The following SCOC variants were observed in gnomAD, a reference collection of about 807,000 sequenced individuals.
The protein encoded by SCOC is short coiled coil protein.
SCOC carries 7 observed loss-of-function variants against 9.9 expected under a neutral mutation model. The ratio of observed to expected loss-of-function variants is 0.71; its 90% CI spans 0.40 to 1.33. SCOC has a LOEUF of 1.33. Among genes scored for constraint, SCOC ranks in the 40% most tolerant of loss-of-function variants. SCOC has a pLI of 0.01. For missense variants in SCOC, 66 were observed against 89.7 expected, an observed-to-expected ratio of 0.74 and a Z score of 1.07; for synonymous variants, 19 against 28.2, an observed-to-expected ratio of 0.67 and a Z score of 1.03.
Position 140,362,301 on chromosome 4 carries a change from T to TCTTCTTCTTCTTCTTCCTTCTTC in SCOC, c.71-16820_71-16819insCTTCTTCTTCTTCTTCCTTCTTC. ...TACTTCTTCTTCTTCTTCTTCTTCT[T>TCTTCTTCTTCTTCTTCCTTCTTC]TTTTTTTTTTTTTTGTGAGAGTCTC... On this transcript the variant is annotated intron_variant, in intron 2 of 4. Transcript: ENST00000338517. Among the ~76,000 whole-genome samples the TCTTCTTCTTCTTCTTCCTTCTTC allele has an allele frequency of 1.7e-4, 5 of 29,408 alleles. No homozygotes were observed. In the East Asian group the frequency reaches 3.7e-3, roughly 22 times the overall value. 19.3% of individuals were successfully genotyped at this position (29,408 alleles called of 152,430 possible). A position where few individuals can be genotyped will look rare whatever the true frequency, so the allele number is the denominator to read the frequency against.
chr4:140,337,988 A>G (rs1488099666), intron 1 of SCOC, among the ~76,000 whole-genome samples: 1 of 152,210 alleles, frequency 6.6e-6, no homozygotes, highest in Non-Finnish European at 1.5e-5. Context: ...TGGCAGAGAC[A>G]CAACAAAAAA....
rs550487708 is a variant in SCOC, at chr4:140,383,356, T to G, written c.*2252T>G. ...CATGTGGCTTCTAATAGTCTGACAA[T>G]CTCTAAACTGATAGGCAAATTATTT... On this transcript the variant is annotated 3_prime_UTR_variant, in exon 4 of 4. Transcript: ENST00000608372. 43 of 152,326 alleles carry G rather than the reference T, an allele frequency of 2.8e-4. No homozygotes were observed. The highest frequency in any genetic ancestry group is 9.9e-4 in the African/African-American group (41 of 41,574). 9.4% of individuals were successfully genotyped at this position (152,326 alleles called of 1,614,324 possible). A position where few individuals can be genotyped will look rare whatever the true frequency, so the allele number is the denominator to read the frequency against.
chr4:140,374,806 C>A (rs72939841), intron 1 of SCOC, among the ~76,000 whole-genome samples: 4,730 of 152,236 alleles, frequency 0.031, 240 homozygotes, highest in African/African-American at 0.11. Context: ...TTGGTAGAGA[C>A]ATTGGCTGTG....
chr4:140,258,104 G>A (rs972158906), intron 1 of SCOC, among the ~76,000 whole-genome samples: 2 of 152,188 alleles, frequency 1.3e-5, no homozygotes, highest in African/African-American at 4.8e-5. Context: ...ATAGTGGACT[G>A]TTGCCAGAGC....
chr4:140,347,372 G>A (rs1427930028), intron 2 of SCOC, among the ~76,000 whole-genome samples: 1 of 152,096 alleles, frequency 6.6e-6, no homozygotes, highest in Non-Finnish European at 1.5e-5. Context: ...CCCACTTCTG[G>A]GACCTTAGAG....
intron 1 of SCOC, among the ~76,000 whole-genome samples, chr4:140,321,630 C>T (rs928831280): frequency 1.3e-5 from 2 of 151,968 alleles, no homozygotes; most frequent in African/African-American, 4.8e-5. Context: ...ATAAAATTTA[C>T]TCAAACTGAA....
chr4:140,333,602 G>C (rs1421473016), intron 1 of SCOC, among the ~76,000 whole-genome samples: 1 of 152,094 alleles, frequency 6.6e-6, no homozygotes, highest in East Asian at 1.9e-4. Flanking sequence ...CTTATATACT[G>C]ACTAAAAGTT....
chr4:140,379,796 C>T (rs999919516), intron 3 of SCOC, 144 bp downstream of exon 3: 1 of 606,760 alleles, frequency 1.6e-6, no homozygotes, highest in Non-Finnish European at 2.9e-6. Context: ...ATCTATCTTC[C>T]TGCTTTGGTA....
At position 140,384,317 on chromosome 4, in the gene SCOC, A is replaced by G. The variant is rs1284734246; in HGVS notation, c.*3213A>G. 1.3e-5 allele frequency: 2 copies of G among 152,202 alleles called. No individual in the cohort carries two copies. Among genetic ancestry groups the G allele is most frequent in the Non-Finnish European group, 2.9e-5 (2 of 68,036 alleles). The allele number at this position is 152,202 out of a possible 1,614,324, so 9.4% of individuals were successfully genotyped here. On this transcript the variant is annotated 3_prime_UTR_variant, in exon 4 of 4. Transcript: ENST00000608372. ...TGCAATACTTCAGGATAATTTCTTC[A>G]TTAGAAATATAGGTGGTACACAGTG...
intron 1 of SCOC, among the ~76,000 whole-genome samples, chr4:140,290,512 T>C (rs1731441065): frequency 6.6e-6 from 1 of 152,166 alleles, no homozygotes; most frequent in Non-Finnish European, 1.5e-5. Context: ...AATTGGCAGT[T>C]TCAAAAGAAC....
chr4:140,324,603 T>TTAA (rs1223062136), intron 1 of SCOC, among the ~76,000 whole-genome samples: 5 of 152,180 alleles, frequency 3.3e-5, no homozygotes, highest in Admixed American at 6.5e-5. Flanking sequence ...ACTGAAAAAG[T>TTAA]TAAGTACTTA....
intron 1 of SCOC, among the ~76,000 whole-genome samples, chr4:140,287,685 T>C (rs762295328): frequency 1.8e-4 from 27 of 151,926 alleles, no homozygotes; most frequent in Non-Finnish European, 3.5e-4. Context: ...TATGTACACA[T>C]ACACACACCA....
intron 1 of SCOC, among the ~76,000 whole-genome samples, chr4:140,301,882 AGTACGGTG>A (rs1331989812): frequency 6.6e-6 from 1 of 152,160 alleles, no homozygotes; most frequent in East Asian, 1.9e-4. Context: ...CCCCGGCTGG[AGTACGGTG>A]GTACAATCTT....
At chr4:140,272,325 G>T (rs544206512) in intron 1 of SCOC, among the ~76,000 whole-genome samples, 1 of 151,900 alleles carries the variant, frequency 6.6e-6, no homozygotes, top group South Asian at 2.1e-4. Context: ...AAATTGTTGG[G>T]ATTACAGGCG....
intron 1 of SCOC, among the ~76,000 whole-genome samples, chr4:140,294,748 C>T (rs754367101): frequency 1.3e-5 from 2 of 152,168 alleles, no homozygotes; most frequent in Non-Finnish European, 2.9e-5. Context: ...CCCAATCCAC[C>T]ATAAGCTGAA....
intron 2 of SCOC, among the ~76,000 whole-genome samples, chr4:140,349,731 T>C (rs1726896406): frequency 6.6e-6 from 1 of 152,212 alleles, no homozygotes. Flanking sequence ...CAAATAAATC[T>C]GGCCTTCTCC....
At chr4:140,349,861 G>C (rs1320539671) in intron 2 of SCOC, among the ~76,000 whole-genome samples, 3 of 152,036 alleles carry the variant, frequency 2.0e-5, no homozygotes, top group Non-Finnish European at 4.4e-5. Context: ...CTCCACAGTG[G>C]CCACATCACT....
intron 2 of SCOC, 122 bp from the exon 3 acceptor site, chr4:140,379,447 C>A: frequency 1.3e-6 from 1 of 774,790 alleles, no homozygotes; most frequent in Non-Finnish European, 2.2e-6. Context: ...AATTTTATTT[C>A]ACAGGGCTCT....
chr4:140,369,681 G>T (rs1437241063), upstream of SCOC, among the ~76,000 whole-genome samples: 1 of 151,754 alleles, frequency 6.6e-6, no homozygotes, highest in African/African-American at 2.4e-5. Context: ...TTTCAATTAG[G>T]ACTTCCCCCA....
Sources: gnomAD v4.1 joint callset for allele counts (sites outside exome capture counted in the v4.1 genomes callset) on GRCh38, gnomAD v4.1.1 for gene constraint, MANE v1.5 for transcripts, NCBI Gene and HGNC (gene_info 2026-07-23, HGNC 2026-07-21) for gene names.